Variants in KDM6A observed in about 807,000 individuals in gnomAD.
KDM6A encodes the protein lysine demethylase 6A.
KDM6A carries 11 observed loss-of-function variants against 117.6 expected under a neutral mutation model. That is an observed-to-expected ratio of 0.09 (90% CI 0.06 to 0.15). KDM6A has a LOEUF of 0.15. Ranked by LOEUF, KDM6A falls within the 10% of genes least tolerant of loss-of-function variation. The pLI is 1.00. For synonymous variants in KDM6A, 384 were observed against 396.1 expected, an observed-to-expected ratio of 0.97 and a Z score of 0.36; for missense variants, 799 against 1,077.3, an observed-to-expected ratio of 0.74 and a Z score of 3.62.
chrX:44,907,683 A>G (rs1321682867), intron 2 of KDM6A, among the ~76,000 whole-genome samples: 26 of 106,123 alleles, frequency 2.4e-4, no homozygotes, highest in African/African-American at 9.0e-4. Context: ...CCTGACCTCA[A>G]GTGATCCACC....
At chrX:44,968,602 A>G (rs2147223444) in intron 3 of KDM6A, among the ~76,000 whole-genome samples, 1 of 112,860 alleles carries the variant, frequency 8.9e-6, no homozygotes, top group African/African-American at 3.2e-5. Flanking sequence ...TTAATAGAAA[A>G]TAAGTGTAAA....
intron 4 of KDM6A, among the ~76,000 whole-genome samples, chrX:44,997,447 C>T (rs898460088): frequency 9.0e-6 from 1 of 111,572 alleles, no homozygotes; most frequent in Non-Finnish European, 1.9e-5. Flanking sequence ...CCCTCAACAT[C>T]CTCTCGATGT....
intron 9 of KDM6A, 121 bp from the exon 10 acceptor site, chrX:45,053,708 A>T: frequency 1.7e-6 from 1 of 596,115 alleles, no homozygotes; most frequent in Non-Finnish European, 2.7e-6. Flanking sequence ...TATGTACTCC[A>T]AACTAAATTA....
Position 44,874,715 on chromosome X carries a change from A to C in KDM6A, c.225+728A>C, listed in dbSNP as rs143457446. 3.8e-3 allele frequency among the ~76,000 whole-genome samples: 340 copies of C among 90,446 alleles called. 4 individuals carry two copies. In the Admixed American group the frequency reaches 0.039, roughly 10 times the overall value. 78.5% of individuals were successfully genotyped at this position (90,446 alleles called of 115,157 possible). A position where few individuals can be genotyped will look rare whatever the true frequency, so the allele number is the denominator to read the frequency against. On this transcript the variant is annotated intron_variant, in intron 2 of 29. Coordinates refer to ENST00000611820, the MANE Select transcript of KDM6A (RefSeq NM_001291415.2). ...TGTGTGGAAAGTTGTTGGCACTGTC[A>C]TTTAGTTAAGTAATGGCTGCTCCTA...
intron 27 of KDM6A, chrX:45,106,397 A>T (rs190383415): frequency 1.2e-4 from 22 of 188,012 alleles, no homozygotes. Context: ...TACTTATTTG[A>T]ATTTTAGTTG....
At chrX:45,099,858 C>A (rs923908084) in intron 27 of KDM6A, among the ~76,000 whole-genome samples, 1 of 111,164 alleles carries the variant, frequency 9.0e-6, no homozygotes, top group Non-Finnish European at 1.9e-5. Flanking sequence ...CATGGTGAAA[C>A]CCCGTCTCTA....
intron 4 of KDM6A, among the ~76,000 whole-genome samples, chrX:45,001,250 G>T (rs763937241): frequency 1.2e-4 from 13 of 111,696 alleles, no homozygotes; most frequent in Non-Finnish European, 2.1e-4. Context: ...AAAAGGGGAA[G>T]AACTTTGAGC....
rs1200669473 is a variant in KDM6A at position 44,946,090 on chromosome X, G to A, written c.226-15194G>A. Among the ~76,000 whole-genome samples the A allele has an allele frequency of 3.6e-5, 4 of 112,213 alleles. No individual in the cohort carries two copies. In the East Asian group the frequency reaches 1.1e-3, roughly 31 times the overall value. On this transcript the variant is annotated intron_variant, in intron 2 of 29. Coordinates refer to ENST00000611820, the MANE Select transcript of KDM6A (RefSeq NM_001291415.2). ...ATTCTTGCCATTTGTGGATCACAGTGGCAGATCAGATTTTCTTTTCTTTCG... is the reference window on the plus strand; with the variant it reads ...ATTCTTGCCATTTGTGGATCACAGTAGCAGATCAGATTTTCTTTTCTTTCG...
chrX:45,094,194 A>G (rs1423759810), intron 27 of KDM6A, among the ~76,000 whole-genome samples: 1 of 111,952 alleles, frequency 8.9e-6, no homozygotes, highest in African/African-American at 3.2e-5. Context: ...GCAAGGCTCT[A>G]GGCTAGGCCC....
chrX:44,969,864 C>G (rs2039251179), intron 3 of KDM6A, among the ~76,000 whole-genome samples: 2 of 112,415 alleles, frequency 1.8e-5, no homozygotes, highest in African/African-American at 3.2e-5. Flanking sequence ...TGTAATCATT[C>G]TAAAACAGGT....
chrX:45,050,082 G>A (rs2043766907), intron 8 of KDM6A, among the ~76,000 whole-genome samples: 1 of 113,151 alleles, frequency 8.8e-6, no homozygotes, highest in African/African-American at 3.2e-5. Context: ...GCTCACGCCT[G>A]TAATCCCAAC....
chrX:45,088,014 G>T (rs1270851781), intron 25 of KDM6A, among the ~76,000 whole-genome samples: 2 of 110,997 alleles, frequency 1.8e-5, no homozygotes, highest in African/African-American at 6.6e-5. Context: ...TTGAATATAT[G>T]ATTAAAATGA....
intron 2 of KDM6A, among the ~76,000 whole-genome samples, chrX:44,906,017 A>G (rs1217902809): frequency 3.6e-5 from 4 of 112,086 alleles, no homozygotes; most frequent in African/African-American, 1.3e-4. Context: ...GTCTCTACAG[A>G]CAATCATTCT....
chrX:44,974,318 C>A (rs1053334333), intron 3 of KDM6A, among the ~76,000 whole-genome samples: 1 of 111,155 alleles, frequency 9.0e-6, no homozygotes. Context: ...TTAAAAAAAT[C>A]CTTTTCTAGC....
intron 27 of KDM6A, among the ~76,000 whole-genome samples, chrX:45,105,658 C>G: frequency 8.9e-6 from 1 of 112,123 alleles, no homozygotes; most frequent in Admixed American, 9.4e-5. Flanking sequence ...TAAATTTTTA[C>G]TTGCTACCTT....
chrX:45,111,240 G>A, intron 29 of KDM6A, 142 bp from the exon 30 acceptor site: 1 of 501,132 alleles, frequency 2.0e-6, no homozygotes, highest in Non-Finnish European at 3.6e-6. Context: ...TAGTAAGGTA[G>A]GCTGTACTTT....
intron 28 of KDM6A, among the ~76,000 whole-genome samples, chrX:45,108,975 G>C (rs1301773005): frequency 1.1e-5 from 1 of 90,120 alleles, no homozygotes; most frequent in Non-Finnish European, 2.2e-5. Flanking sequence ...GTTGTGGGAT[G>C]GGGGGAGGGG....
intron 24 of KDM6A, 41 bp downstream of exon 24, chrX:45,083,649 C>T: frequency 9.2e-7 from 1 of 1,085,969 alleles, no homozygotes; most frequent in South Asian, 1.9e-5. Flanking sequence ...AAATGGAAAA[C>T]AAAATCAAAA....
chrX:44,975,134 T>G (rs2039554908), intron 4 of KDM6A, among the ~76,000 whole-genome samples: 1 of 111,843 alleles, frequency 8.9e-6, no homozygotes, highest in African/African-American at 3.3e-5. Flanking sequence ...GTACTCTGTT[T>G]ATAATTGGAG....
Sources: gnomAD v4.1 joint callset for allele counts (sites outside exome capture counted in the v4.1 genomes callset) on GRCh38, gnomAD v4.1.1 for gene constraint, MANE v1.5 for transcripts, NCBI Gene and HGNC (gene_info 2026-07-23, HGNC 2026-07-21) for gene names.